Variants in SGPP2 observed in about 807,000 individuals in gnomAD.
The protein encoded by SGPP2 is sphingosine 1-phosphate phosphohydrolase 2.
In SGPP2, 30 loss-of-function variants were observed where a neutral mutation model predicts 33.9. That is an observed-to-expected ratio of 0.89 (90% CI 0.66 to 1.20). SGPP2 has a LOEUF of 1.20. Ranked by LOEUF, SGPP2 falls within the 50% of genes most tolerant of loss-of-function variation. SGPP2 has a pLI of 0.00. For synonymous variants in SGPP2, 233 were observed against 225.0 expected, an observed-to-expected ratio of 1.04 and a Z score of -0.32; for missense variants, 458 against 532.1, an observed-to-expected ratio of 0.86 and a Z score of 1.37.
chr2:222,456,232 G>T (rs1697571589), intron 1 of SGPP2, among the ~76,000 whole-genome samples: 1 of 152,202 alleles, frequency 6.6e-6, no homozygotes, highest in Admixed American at 6.5e-5. Context: ...TGATCCTGGA[G>T]TAAATAAAAG....
chr2:222,472,743 T>A lies in SGPP2; in HGVS notation c.220-1825T>A, dbSNP rs184954987. ...CAGACCAGTTTTAGGGAGGGACTAT[T>A]ACCATCCTTGCTTCAAAGTTAAACT... is the stretch of plus-strand genomic sequence containing the variant. On this transcript the variant is annotated intron_variant, in intron 1 of 4. Coordinates refer to ENST00000321276, the MANE Select transcript of SGPP2 (RefSeq NM_152386.4). 7.6e-4 allele frequency among the ~76,000 whole-genome samples: 116 copies of A among 152,334 alleles called. 1 individual carries two copies. The highest frequency in any genetic ancestry group is 1.9e-3 in the African/African-American group (77 of 41,582).
At chr2:222,424,168 G>T (rs1000956967), upstream of SGPP2, among the ~76,000 whole-genome samples, 4 of 151,252 alleles carry the variant, frequency 2.6e-5, no homozygotes, top group Non-Finnish European at 5.9e-5. Context: ...GTCACTGTGG[G>T]ATCAGCCTGA....
At chr2:222,527,296 T>C (rs1489400448) in intron 4 of SGPP2, among the ~76,000 whole-genome samples, 3 of 152,278 alleles carry the variant, frequency 2.0e-5, no homozygotes, top group South Asian at 2.1e-4. Flanking sequence ...AAAAAAATTG[T>C]GTGACTTGCT....
chr2:222,496,675 AC>A (rs959114532), intron 2 of SGPP2, among the ~76,000 whole-genome samples: 1 of 149,688 alleles, frequency 6.7e-6, no homozygotes, highest in Non-Finnish European at 1.5e-5. Flanking sequence ...CTCTGGTGAG[AC>A]CCCCCCGCCA....
chr2:222,494,664 G>A (rs1010040464), intron 2 of SGPP2, among the ~76,000 whole-genome samples: 11 of 152,342 alleles, frequency 7.2e-5, no homozygotes, highest in African/African-American at 2.4e-4. Flanking sequence ...AAATCTTGGC[G>A]TGAGGCTTTC....
intron 1 of SGPP2, among the ~76,000 whole-genome samples, chr2:222,469,007 A>G (rs2106091142): frequency 6.6e-6 from 1 of 152,340 alleles, no homozygotes; most frequent in South Asian, 2.1e-4. Context: ...TTTTTTAAAA[A>G]AAACTTTCAG....
chr2:222,453,150 G>C, intron 1 of SGPP2: 1 of 795,438 alleles, frequency 1.3e-6, no homozygotes, highest in African/African-American at 1.7e-5. Flanking sequence ...AGGAGAGACA[G>C]TCGCAGTGTG....
chr2:222,493,416 C>T (rs1189322305), intron 2 of SGPP2, among the ~76,000 whole-genome samples: 1 of 152,138 alleles, frequency 6.6e-6, no homozygotes, highest in Non-Finnish European at 1.5e-5. Flanking sequence ...GGAAACTGCC[C>T]CCATGATCAA....
chr2:222,520,677 C>G (rs1163659182), intron 2 of SGPP2, among the ~76,000 whole-genome samples: 1 of 146,600 alleles, frequency 6.8e-6, no homozygotes, highest in Non-Finnish European at 1.5e-5. Flanking sequence ...TTGCAGTGTG[C>G]CGGGTGCAGT....
chr2:222,552,596 C>T (rs925792674), intron 4 of SGPP2, among the ~76,000 whole-genome samples: 1 of 152,180 alleles, frequency 6.6e-6, no homozygotes, highest in Non-Finnish European at 1.5e-5. Context: ...TTTAGTGGCT[C>T]ATGCCTGTAA....
intron 1 of SGPP2, among the ~76,000 whole-genome samples, chr2:222,447,504 T>G (rs780537836): frequency 1.3e-5 from 2 of 152,074 alleles, no homozygotes; most frequent in African/African-American, 2.4e-5. Flanking sequence ...GTTGGGGCAG[T>G]AAAGAACCCC....
chr2:222,559,159 GCGC>G lies in SGPP2; in HGVS notation c.*263_*265del, dbSNP rs148671924. On this transcript the variant is annotated 3_prime_UTR_variant, in exon 5 of 5. Coordinates refer to ENST00000321276, the MANE Select transcript of SGPP2 (RefSeq NM_152386.4). ...ATCCGGATCTTTAAAGGCACACACC[GCGC>G]CCCCCCCCCCCCCGCCCGGCCCCTG... 0.02 allele frequency: 505 copies of G among 25,692 alleles called. 11 individuals are homozygous for G. The highest frequency in any genetic ancestry group is 0.049 in the South Asian group (64 of 1,300). 1.6% of individuals were successfully genotyped at this position (25,692 alleles called of 1,614,324 possible). A position where few individuals can be genotyped will look rare whatever the true frequency, so the allele number is the denominator to read the frequency against.
intron 2 of SGPP2, among the ~76,000 whole-genome samples, chr2:222,481,483 A>G (rs1698028603): frequency 6.6e-6 from 1 of 152,226 alleles, no homozygotes; most frequent in Non-Finnish European, 1.5e-5. Context: ...CTTTATATGT[A>G]AGATGTTTAG....
chr2:222,454,145 T>C (rs538586355), intron 1 of SGPP2, among the ~76,000 whole-genome samples: 1 of 152,220 alleles, frequency 6.6e-6, no homozygotes, highest in East Asian at 1.9e-4. Flanking sequence ...AATTTAAGCA[T>C]TTTTACTTCA....
chr2:222,556,873 C>G lies in SGPP2; in HGVS notation c.649-1474C>G, dbSNP rs34157743. Reference sequence around the variant, plus strand: ...CTCACTCCTTCCCCATCCACCCTCACTCCTCCCCATCCACCCTCACTCCTC... The same window carrying G: ...CTCACTCCTTCCCCATCCACCCTCAGTCCTCCCCATCCACCCTCACTCCTC... On this transcript the variant is annotated intron_variant, in intron 4 of 4. Transcript: ENST00000321276. Among the ~76,000 whole-genome samples the G allele has an allele frequency of 4.0e-4, 24 of 60,122 alleles. 6 individuals are homozygous for G. Among genetic ancestry groups the G allele is most frequent in the Admixed American group, 1.6e-3 (9 of 5,682 alleles). The allele number at this position is 60,122 out of a possible 152,430, so 39.4% of individuals were successfully genotyped here.
rs988778439 is a variant in SGPP2 at position 222,523,461 on chromosome 2, A to T, written c.559-1483A>T. The stretch of plus-strand genomic sequence containing the variant: ...TGTGAATATGCTAATGTACCTTAAG[A>T]GAAAAGCAGCAAGTGGAGGCTCGCA... On this transcript the variant is annotated intron_variant, in intron 3 of 4. Coordinates refer to ENST00000321276, the MANE Select transcript of SGPP2 (RefSeq NM_152386.4). 2.0e-5 allele frequency among the ~76,000 whole-genome samples: 3 copies of T among 152,304 alleles called. No homozygotes were observed. The East Asian group carries it at 5.8e-4, about 29-fold the overall frequency.
chr2:222,446,625 T>C (rs536240807), intron 1 of SGPP2, among the ~76,000 whole-genome samples: 2 of 152,360 alleles, frequency 1.3e-5, no homozygotes, highest in South Asian at 4.1e-4. Flanking sequence ...TAATCACTAT[T>C]TCATTGGCTG....
intron 1 of SGPP2, among the ~76,000 whole-genome samples, chr2:222,435,083 C>CAT (rs779250069): frequency 6.4e-4 from 58 of 90,224 alleles, no homozygotes; most frequent in Non-Finnish European, 8.4e-4. Context: ...TATATATACA[C>CAT]ATATATATAT....
At chr2:222,521,975 C>T in intron 3 of SGPP2, 29 bp downstream of exon 3, 1 of 1,476,592 alleles carries the variant, frequency 6.8e-7, no homozygotes, top group South Asian at 1.5e-5. Flanking sequence ...TCTTCCTACC[C>T]ACCTACTGAG....
Sources: gnomAD v4.1 joint callset for allele counts (sites outside exome capture counted in the v4.1 genomes callset) on GRCh38, gnomAD v4.1.1 for gene constraint, MANE v1.5 for transcripts, NCBI Gene and HGNC (gene_info 2026-07-23, HGNC 2026-07-21) for gene names.